The following CDK14 variants were observed in gnomAD, a reference collection of about 807,000 sequenced individuals.
The protein encoded by CDK14 is cyclin dependent kinase 14, also known as cyclin-dependent kinase 14.
In CDK14, 34 loss-of-function variants were observed where a neutral mutation model predicts 60.7. The ratio of observed to expected loss-of-function variants is 0.56; its 90% CI spans 0.43 to 0.75. The LOEUF is 0.75. Ranked by LOEUF, CDK14 falls within the 30% of genes least tolerant of loss-of-function variation. The pLI, the probability that CDK14 is intolerant of heterozygous loss-of-function variation, is 0.00. For missense variants in CDK14, 482 were observed against 564.1 expected, an observed-to-expected ratio of 0.85 and a Z score of 1.47; for synonymous variants, 197 against 203.7, an observed-to-expected ratio of 0.97 and a Z score of 0.28.
At chr7:90,856,032 C>G (rs1790807282) in intron 5 of CDK14, among the ~76,000 whole-genome samples, 1 of 152,146 alleles carries the variant, frequency 6.6e-6, no homozygotes, top group Admixed American at 6.6e-5. Context: ...AATTTTTGCC[C>G]ATCTCCAAAC....
intron 2 of CDK14, among the ~76,000 whole-genome samples, chr7:90,667,933 A>G (rs969518462): frequency 5.3e-5 from 8 of 152,202 alleles, no homozygotes; most frequent in Admixed American, 1.3e-4. Context: ...TTATCCATCC[A>G]TTAGTTGACG....
intron 5 of CDK14, among the ~76,000 whole-genome samples, chr7:90,837,346 G>A (rs1790141375): frequency 6.7e-6 from 1 of 149,432 alleles, no homozygotes; most frequent in African/African-American, 2.5e-5. Flanking sequence ...GGAATGCAGT[G>A]GTACAATCTC....
intron 3 of CDK14, among the ~76,000 whole-genome samples, chr7:90,731,874 A>G (rs949077543): frequency 5.9e-5 from 9 of 151,928 alleles, no homozygotes; most frequent in African/African-American, 4.8e-5. Context: ...TTCCAATACT[A>G]TGTTGAATAG....
intron 14 of CDK14, among the ~76,000 whole-genome samples, chr7:91,120,694 G>A (rs910734316): frequency 1.3e-5 from 2 of 152,026 alleles, no homozygotes; most frequent in Non-Finnish European, 2.9e-5. Flanking sequence ...ATACCACCAC[G>A]CCTGGCTAGT....
chr7:90,763,165 A>C (rs1216566661), intron 4 of CDK14, among the ~76,000 whole-genome samples: 1 of 152,190 alleles, frequency 6.6e-6, no homozygotes, highest in Non-Finnish European at 1.5e-5. Flanking sequence ...TGAGGCAAAA[A>C]TTGATAGAAC....
chr7:91,111,780 A>T (rs1799474729), intron 12 of CDK14, among the ~76,000 whole-genome samples: 2 of 152,224 alleles, frequency 1.3e-5, no homozygotes, highest in Admixed American at 1.3e-4. Context: ...TATATTAATT[A>T]TCCAGGCTTG....
chr7:90,804,240 A>G (rs760837950), intron 5 of CDK14, among the ~76,000 whole-genome samples: 1 of 152,132 alleles, frequency 6.6e-6, no homozygotes, highest in Admixed American at 6.6e-5. Context: ...TTTTGTCTTT[A>G]GTTTTTTCAT....
intron 2 of CDK14, among the ~76,000 whole-genome samples, chr7:90,647,247 C>G (rs1442952793): frequency 1.3e-5 from 2 of 152,054 alleles, no homozygotes; most frequent in Non-Finnish European, 2.9e-5. Flanking sequence ...GTGTTAGGAA[C>G]CTTGAAGACG....
At chr7:90,720,598 A>G (rs1484729023) in intron 2 of CDK14, among the ~76,000 whole-genome samples, 1 of 152,216 alleles carries the variant, frequency 6.6e-6, no homozygotes, top group South Asian at 2.1e-4. Flanking sequence ...TTATTTTGAC[A>G]TATTCTAGAT....
chr7:90,862,536 A>G (rs548429448), intron 5 of CDK14, among the ~76,000 whole-genome samples: 1 of 152,334 alleles, frequency 6.6e-6, no homozygotes, highest in African/African-American at 2.4e-5. Context: ...CAAATGAGTA[A>G]TTGACAGATC....
intron 14 of CDK14, among the ~76,000 whole-genome samples, chr7:91,184,300 C>A (rs1802103095): frequency 6.7e-6 from 1 of 148,544 alleles, no homozygotes; most frequent in South Asian, 2.1e-4. Flanking sequence ...AAAAAGAACT[C>A]CTTAAGAAGC....
intron 9 of CDK14, among the ~76,000 whole-genome samples, chr7:90,974,185 C>T (rs1232681279): frequency 6.6e-6 from 1 of 152,148 alleles, no homozygotes; most frequent in Non-Finnish European, 1.5e-5. Flanking sequence ...GAAAATATGG[C>T]TCTATTCTGC....
At chr7:90,810,150 T>A (rs1398479287) in intron 5 of CDK14, among the ~76,000 whole-genome samples, 3 of 152,142 alleles carry the variant, frequency 2.0e-5, no homozygotes, top group Non-Finnish European at 2.9e-5. Context: ...TACCAAAGCC[T>A]GGCAGAGACA....
chr7:90,935,605 C>T (rs1793726815), intron 8 of CDK14, among the ~76,000 whole-genome samples: 1 of 152,126 alleles, frequency 6.6e-6, no homozygotes, highest in Non-Finnish European at 1.5e-5. Context: ...GTATACCTAT[C>T]TTTACATAAT....
At chr7:91,157,967 A>G (rs2115725746) in intron 14 of CDK14, among the ~76,000 whole-genome samples, 1 of 151,892 alleles carries the variant, frequency 6.6e-6, no homozygotes, top group South Asian at 2.1e-4. Context: ...GCCATCTGGG[A>G]TGCCACTGTA....
chr7:91,191,620 G>T (rs913465233), intron 14 of CDK14, among the ~76,000 whole-genome samples: 2 of 151,686 alleles, frequency 1.3e-5, no homozygotes, highest in Admixed American at 6.6e-5. Context: ...TGTTCAGATG[G>T]GGGGGTGGGA....
At chr7:90,834,769 G>T (rs995420249) in intron 5 of CDK14, among the ~76,000 whole-genome samples, 38 of 152,180 alleles carry the variant, frequency 2.5e-4, no homozygotes, top group Non-Finnish European at 1.3e-4. Context: ...TTACTGGAAT[G>T]TATTATTTTA....
chr7:90,945,520 C>T (rs1426489937), intron 8 of CDK14, among the ~76,000 whole-genome samples: 1 of 152,182 alleles, frequency 6.6e-6, no homozygotes, highest in African/African-American at 2.4e-5. Context: ...TCTGGAACTG[C>T]CTGAGCAAGA....
chr7:91,052,578 C>T (rs1797422783), intron 11 of CDK14, among the ~76,000 whole-genome samples: 1 of 151,842 alleles, frequency 6.6e-6, no homozygotes, highest in Admixed American at 6.6e-5. Flanking sequence ...CAAATGCTTC[C>T]AACAAAAGGG....
Sources: allele counts gnomAD v4.1 joint callset (sites outside exome capture counted in the v4.1 genomes callset), GRCh38; gene constraint gnomAD v4.1.1; transcripts MANE v1.5; gene names NCBI Gene and HGNC (gene_info 2026-07-23, HGNC 2026-07-21).